The following COL22A1 variants were observed in gnomAD, a reference collection of about 807,000 sequenced individuals.
COL22A1 encodes the protein collagen alpha-1(XXII) chain.
A neutral mutation model predicts 248.9 loss-of-function variants in COL22A1; 221 were observed. The observed-to-expected ratio is 0.89, with a 90% CI of 0.80 to 0.99. The LOEUF (loss-of-function observed/expected upper bound fraction) is 0.99. Ranked by LOEUF, COL22A1 falls within the 50% of genes least tolerant of loss-of-function variation. COL22A1 has a pLI of 0.00. For synonymous variants in COL22A1, 891 were observed against 793.4 expected (o/e 1.12, Z -2.07); for missense variants, 2,240 against 2,179.0 (o/e 1.03, Z -0.56).
intron 20 of COL22A1, 85 bp from the exon 21 acceptor site, chr8:138,755,295 C>T: frequency 6.9e-7 from 1 of 1,441,134 alleles, no homozygotes; most frequent in Non-Finnish European, 9.7e-7. Flanking sequence ...CCTCTCCTGA[C>T]TCAAAGTTTA....
At chr8:138,743,840 C>G (rs1831896051) in intron 22 of COL22A1, among the ~76,000 whole-genome samples, 1 of 152,092 alleles carries the variant, frequency 6.6e-6, no homozygotes, top group African/African-American at 2.4e-5. Flanking sequence ...GCCTGTCTGC[C>G]CATGGAGAGG....
intron 1 of COL22A1, among the ~76,000 whole-genome samples, chr8:138,894,543 G>C (rs1287777129): frequency 6.6e-6 from 1 of 152,190 alleles, no homozygotes; most frequent in Non-Finnish European, 1.5e-5. Context: ...AGGTAAATTT[G>C]AGGTACCTGT....
chr8:138,788,403 GCC>G (rs1815730832), intron 12 of COL22A1, among the ~76,000 whole-genome samples: 1 of 152,216 alleles, frequency 6.6e-6, no homozygotes, highest in Non-Finnish European at 1.5e-5. Context: ...ATAGTGAATA[GCC>G]TGTAAAACAA....
intron 36 of COL22A1, 80 bp downstream of exon 36, chr8:138,690,741 C>T: frequency 6.0e-6 from 7 of 1,164,988 alleles, no homozygotes; most frequent in Admixed American, 2.2e-5. Context: ...CCCATGTATC[C>T]TACGCCTCTG....
intron 1 of COL22A1, among the ~76,000 whole-genome samples, chr8:138,906,156 G>C (rs979689148): frequency 6.6e-6 from 1 of 152,142 alleles, no homozygotes; most frequent in Non-Finnish European, 1.5e-5. Context: ...GGGTCACGAG[G>C]TCAGGAGATT....
intron 46 of COL22A1, among the ~76,000 whole-genome samples, chr8:138,648,230 G>A (rs6982882): frequency 6.6e-6 from 1 of 152,098 alleles, no homozygotes; most frequent in African/African-American, 2.4e-5. Context: ...GAGAAATTTC[G>A]AGGACTGTGG....
chr8:138,804,112 T>G (rs1300455200), intron 10 of COL22A1, among the ~76,000 whole-genome samples: 1 of 152,200 alleles, frequency 6.6e-6, no homozygotes, highest in Non-Finnish European at 1.5e-5. Context: ...CCCCCTGGCC[T>G]ATGAGTCCTG....
At chr8:138,669,711 G>A (rs1824844817) in intron 41 of COL22A1, among the ~76,000 whole-genome samples, 1 of 152,128 alleles carries the variant, frequency 6.6e-6, no homozygotes, top group Non-Finnish European at 1.5e-5. Flanking sequence ...GGAAGACCAG[G>A]GAAGGCAGTG....
chr8:138,601,813 T>C (rs1057450389), intron 60 of COL22A1, among the ~76,000 whole-genome samples: 2 of 152,162 alleles, frequency 1.3e-5, no homozygotes, highest in African/African-American at 4.8e-5. Context: ...AATCTGTCAA[T>C]GTCTCCCAAG....
Position 138,877,488 on chromosome 8 carries a change from TC to T in COL22A1, c.658+261del, listed in dbSNP as rs766265793. ...CATCCCTCTTTCATCCCAAACCCCT[TC>T]TTGCCTCTGCCCGCGACCTCTGCCT... is the stretch of plus-strand genomic sequence containing the variant. On this transcript the variant is annotated intron_variant, in intron 3 of 64. Transcript: ENST00000303045. 4.5e-4 allele frequency among the ~76,000 whole-genome samples: 68 copies of T among 152,058 alleles called. 1 individual carries two copies. The highest frequency in any genetic ancestry group is 9.1e-4 in the Non-Finnish European group (62 of 67,982).
chr8:138,878,598 C>T (rs1823936882), intron 2 of COL22A1, among the ~76,000 whole-genome samples: 1 of 152,222 alleles, frequency 6.6e-6, no homozygotes, highest in Non-Finnish European at 1.5e-5. Context: ...CACTATGCCT[C>T]AATCTCTTCA....
rs1439862227 is a variant in COL22A1, at chr8:138,849,670, T to C, written c.659-5512A>G. Among the ~76,000 whole-genome samples, 4 of 152,130 alleles carry C rather than the reference T, an allele frequency of 2.6e-5. No individual in the cohort carries two copies. In the South Asian group the frequency reaches 6.2e-4, roughly 24 times the overall value. On this transcript the variant is annotated intron_variant, in intron 3 of 64. Coordinates refer to ENST00000303045, the MANE Select transcript of COL22A1 (RefSeq NM_152888.3). Reference sequence around the variant, plus strand: ...GTTTGCTACTTTCTACAGCAGCCCATTTTGCCTTTTAAGAGTCTTGACTTG... The same window carrying C: ...GTTTGCTACTTTCTACAGCAGCCCACTTTGCCTTTTAAGAGTCTTGACTTG...
intron 50 of COL22A1, among the ~76,000 whole-genome samples, chr8:138,626,785 T>G (rs1458772660): frequency 6.6e-6 from 1 of 152,242 alleles, no homozygotes; most frequent in Admixed American, 6.5e-5. Flanking sequence ...TCTCTTTCCT[T>G]GTATTTGAAA....
At chr8:138,683,843 T>A (rs1283291865) in intron 39 of COL22A1, among the ~76,000 whole-genome samples, 1 of 152,222 alleles carries the variant, frequency 6.6e-6, no homozygotes, top group East Asian at 1.9e-4. Flanking sequence ...AATTCAAGAC[T>A]GCTTAGACCT....
intron 27 of COL22A1, among the ~76,000 whole-genome samples, chr8:138,719,470 T>A (rs943910808): frequency 3.9e-5 from 6 of 152,194 alleles, no homozygotes; most frequent in Admixed American, 3.9e-4. Flanking sequence ...AGGCTCATAG[T>A]GGCTCTTGGC....
chr8:138,903,465 T>C (rs1191002671), intron 1 of COL22A1, among the ~76,000 whole-genome samples: 1 of 152,170 alleles, frequency 6.6e-6, no homozygotes, highest in Non-Finnish European at 1.5e-5. Flanking sequence ...TTGCATCCCA[T>C]AAAGGTCTAA....
chr8:138,862,005 A>G (rs1822499675), intron 3 of COL22A1, among the ~76,000 whole-genome samples: 1 of 131,368 alleles, frequency 7.6e-6, no homozygotes, highest in African/African-American at 2.8e-5. Flanking sequence ...CCTGGCCAAC[A>G]TGGTGAAACC....
chr8:138,619,664 A>G (rs1320247389), intron 52 of COL22A1, among the ~76,000 whole-genome samples, 156 bp from the exon 53 acceptor site: 1 of 152,062 alleles, frequency 6.6e-6, no homozygotes, highest in Non-Finnish European at 1.5e-5. Flanking sequence ...CTTAATCTAC[A>G]CAAATCTCCA....
At chr8:138,810,074 A>G (rs978036532) in intron 9 of COL22A1, among the ~76,000 whole-genome samples, 1 of 152,232 alleles carries the variant, frequency 6.6e-6, no homozygotes, top group East Asian at 1.9e-4. Context: ...TGTCATGGAA[A>G]TAGCAGGTGC....
Sources: allele counts gnomAD v4.1 joint callset (sites outside exome capture counted in the v4.1 genomes callset), GRCh38; gene constraint gnomAD v4.1.1; transcripts MANE v1.5; gene names NCBI Gene and HGNC (gene_info 2026-07-23, HGNC 2026-07-21).